The following CELSR1 variants were observed in gnomAD, a reference collection of about 807,000 sequenced individuals.
CELSR1 encodes adhesion G protein-coupled receptor C1.
In CELSR1, 110 loss-of-function variants were observed where a neutral mutation model predicts 249.1. The ratio of observed to expected loss-of-function variants is 0.44; its 90% CI spans 0.38 to 0.52. CELSR1 has a LOEUF of 0.52. Among genes scored for constraint, CELSR1 ranks in the 20% least tolerant of loss-of-function variants. The pLI, the probability that CELSR1 is intolerant of heterozygous loss-of-function variation, is 0.00. For missense variants in CELSR1, 4,109 were observed against 4,296.4 expected (o/e 0.96, Z 1.22); for synonymous variants, 2,113 against 1,900.0 (o/e 1.11, Z -2.92).
rs576778852 is a variant in CELSR1, at chr22:46,409,966, C to A, written c.4934-86G>T. 2.6e-6 allele frequency: 4 copies of A among 1,559,706 alleles called. 1 individual carries two copies. The highest frequency in any genetic ancestry group is 2.7e-5 in the African/African-American group (2 of 74,246). On this transcript the variant is annotated intron_variant, in intron 7 of 34. Coordinates refer to ENST00000674500, the MANE Select transcript of CELSR1 (RefSeq NM_001378328.1). The surrounding 1 kb of genome is among the most constrained non-coding windows in gnomAD (Gnocchi z 9.8). ...CCAGACGTGGCGTGGGAAACCAGGA[C>A]GGAATGGACCCGGGGCTGGACAGAA... is the stretch of plus-strand genomic sequence containing the variant.
In CELSR1 at chr22:46,395,673, G is replaced by C. The variant is rs116878091; in HGVS notation, c.5843+932C>G. 2.0e-5 allele frequency among the ~76,000 whole-genome samples: 3 copies of C among 152,264 alleles called. No homozygotes were observed. The South Asian group carries it at 6.2e-4, about 32-fold the overall frequency. On this transcript the variant is annotated intron_variant, in intron 13 of 34. Transcript: ENST00000674500. This position sits in a 1 kb window ranked among gnomAD's most constrained non-coding sequence, Gnocchi z 5.5. Reference sequence around the variant, plus strand: ...GGATCACAGCACCTGCTCTAGGCTCGGGAGGACAAAGAACGGAGCATAGCA... The same window carrying C: ...GGATCACAGCACCTGCTCTAGGCTCCGGAGGACAAAGAACGGAGCATAGCA...
intron 5 of CELSR1, among the ~76,000 whole-genome samples, chr22:46,421,861 A>C (rs2079476860): frequency 1.3e-5 from 2 of 152,246 alleles, no homozygotes; most frequent in South Asian, 4.1e-4. Context: ...GAAGCTCACG[A>C]AGGGCGTGAC....
chr22:46,423,600 C>A lies in CELSR1; in HGVS notation c.4611+9793G>T, dbSNP rs1156635141. On this transcript the variant is annotated intron_variant, in intron 5 of 34. Coordinates refer to ENST00000674500, the MANE Select transcript of CELSR1 (RefSeq NM_001378328.1). This position sits in a 1 kb window ranked among gnomAD's most constrained non-coding sequence, Gnocchi z 5.6. ...AGCCTGGGCAACAGGAGCGAAACTTCGTCTCAGAAAAAAAAAAAAAAAAAG... is the reference window on the plus strand; with the variant it reads ...AGCCTGGGCAACAGGAGCGAAACTTAGTCTCAGAAAAAAAAAAAAAAAAAG... Among the ~76,000 whole-genome samples, 6 of 127,622 alleles carry A rather than the reference C, an allele frequency of 4.7e-5. No individual in the cohort carries two copies. The highest frequency in any genetic ancestry group is 9.4e-5 in the Non-Finnish European group (6 of 63,546). 83.7% of individuals were successfully genotyped at this position (127,622 alleles called of 152,430 possible).
In CELSR1 at chr22:46,365,308, G is replaced by A; in HGVS notation, c.8477C>T (p.Ser2826Leu). 6.2e-7 allele frequency: 1 copy of A among 1,612,992 alleles called. No individual in the cohort carries two copies. Among genetic ancestry groups the A allele is most frequent in the Non-Finnish European group, 8.5e-7 (1 of 1,179,964 alleles). The change falls in exon 32 of 35, where the codon TCA becomes TTA. Residue 2826 changes from serine (S) to leucine (L), a missense_variant. Ser to Leu is a moderately radical substitution (Grantham distance 145). This residue lies in a region of CELSR1 where 1,805 missense variants were observed against 1,831.6 expected (regional missense o/e 0.99). Transcript: ENST00000674500. ...TCCCACCCCATCGTCCTCGCTGTCT[G>A]ACGAGTGTGAGGAGGCGTAAGAGCT... Reference protein sequence around the residue: ...QSSSYASSHSSDSEDDGVGAE... With the variant: ...QSSSYASSHSLDSEDDGVGAE...
At position 46,527,866 on chromosome 22, in the gene CELSR1, C is replaced by T. The variant is rs962442716; in HGVS notation, c.3544+5761G>A. Among the ~76,000 whole-genome samples, 7 of 152,106 alleles carry T rather than the reference C, an allele frequency of 4.6e-5. No homozygotes were observed. The highest frequency in any genetic ancestry group is 1.9e-4 in the East Asian group (1 of 5,198). ...ATCCCAGCATTTTGGGAGGCTGAGG[C>T]GGGCGGATAGCCTGAGGTCAGGAGT... On this transcript the variant is annotated intron_variant, in intron 1 of 34. Transcript: ENST00000674500. The surrounding 1 kb of genome is among the most constrained non-coding windows in gnomAD (Gnocchi z 5.5).
intron 1 of CELSR1, among the ~76,000 whole-genome samples, chr22:46,513,060 G>A (rs970596154): frequency 7.9e-5 from 12 of 152,216 alleles, no homozygotes; most frequent in Non-Finnish European, 1.6e-4. Context: ...GTGAATAGGA[G>A]GCCATTTAAC....
In CELSR1 at chr22:46,436,184, G is replaced by A. The variant is rs753389645; in HGVS notation, c.4512C>T (p.Thr1504=). Residue 1504 remains threonine (T), a synonymous_variant, in exon 4 of 35, where the codon ACC becomes ACT. Coordinates refer to ENST00000674500, the MANE Select transcript of CELSR1 (RefSeq NM_001378328.1). The surrounding 1 kb of genome is among the most constrained non-coding windows in gnomAD (Gnocchi z 5.9). ...LEIVDEQVQL[T]FSAGETTTTV... ...GGGAGAAGGCCCCACCTGCAGAGAA[G>A]GTGAGCTGCACCTGCTCGTCCACGA... 6.2e-7 allele frequency: 1 copy of A among 1,613,882 alleles called. No homozygotes were observed. The highest frequency in any genetic ancestry group is 8.5e-7 in the Non-Finnish European group (1 of 1,179,880).
rs2147608634 is a variant in CELSR1, at chr22:46,468,159, G to A, written c.3545-3814C>T. ...TCACAGCACTTTGGGAGGCCGAGGT[G>A]GGTGGATCACGACGTCAGGAGTTCA... On this transcript the variant is annotated intron_variant, in intron 1 of 34. Transcript: ENST00000674500. The surrounding 1 kb of genome is among the most constrained non-coding windows in gnomAD (Gnocchi z 4.5). Among the ~76,000 whole-genome samples, 1 of 152,084 alleles carries A rather than the reference G, an allele frequency of 6.6e-6. No homozygotes were observed. The highest frequency in any genetic ancestry group is 2.1e-4 in the South Asian group (1 of 4,818).
intron 1 of CELSR1, among the ~76,000 whole-genome samples, chr22:46,494,796 T>C (rs1439930933): frequency 1.3e-5 from 2 of 152,184 alleles, no homozygotes; most frequent in South Asian, 2.1e-4. Flanking sequence ...CATGAGCCAC[T>C]GCACCCAGCC....
rs781388188 is a variant in CELSR1, at chr22:46,473,198, T to C, written c.3545-8853A>G. On this transcript the variant is annotated intron_variant, in intron 1 of 34. Coordinates refer to ENST00000674500, the MANE Select transcript of CELSR1 (RefSeq NM_001378328.1). The surrounding 1 kb of genome is among the most constrained non-coding windows in gnomAD (Gnocchi z 6.6). Reference sequence around the variant, plus strand: ...CCCACGCACCACGAGGAACCATCGCTGGCCCTTGACAGGTGAGGACACCAA... The same window carrying C: ...CCCACGCACCACGAGGAACCATCGCCGGCCCTTGACAGGTGAGGACACCAA... Among the ~76,000 whole-genome samples, 2 of 152,066 alleles carry C rather than the reference T, an allele frequency of 1.3e-5. No individual in the cohort carries two copies. The highest frequency in any genetic ancestry group is 1.5e-5 in the Non-Finnish European group (1 of 68,012).
intron 2 of CELSR1, among the ~76,000 whole-genome samples, chr22:46,439,858 G>T (rs2079722304): frequency 6.6e-6 from 1 of 152,098 alleles, no homozygotes; most frequent in Non-Finnish European, 1.5e-5. Flanking sequence ...TCAGAGATTT[G>T]GAGCATGCTG....
chr22:46,485,624 G>C (rs2080305578), intron 1 of CELSR1, among the ~76,000 whole-genome samples: 1 of 152,204 alleles, frequency 6.6e-6, no homozygotes. Flanking sequence ...AGGAGCAAAA[G>C]CTCATCTCCA....
At position 46,390,378 on chromosome 22, in the gene CELSR1, C is replaced by T. The variant is rs191518068; in HGVS notation, c.6345+14G>A. ...CGTGCCCCTGCTGAACACACATCCC[C>T]GAGGCGCCCCTACCATGGCCCTGAG... On this transcript the variant is annotated intron_variant, in intron 17 of 34. Transcript: ENST00000674500. This position sits in a 1 kb window ranked among gnomAD's most constrained non-coding sequence, Gnocchi z 6.3. 84 of 1,604,594 alleles carry T rather than the reference C, an allele frequency of 5.2e-5. No individual in the cohort carries two copies. The African/African-American group carries it at 8.8e-4, about 17-fold the overall frequency.
chr22:46,479,584 G>A (rs1201295002), intron 1 of CELSR1, among the ~76,000 whole-genome samples: 1 of 133,730 alleles, frequency 7.5e-6, no homozygotes, highest in East Asian at 2.6e-4. Context: ...GGGATAGTGA[G>A]CTGAGACTTT....
rs2078747100 is a variant in CELSR1 at position 46,364,710 on chromosome 22, C to A, written c.8581G>T (p.Ala2861Ser). ...KGDAVANHVP[A>S]GWPDQSLAES... The stretch of plus-strand genomic sequence containing the variant: ...GCCAGGCTCTGGTCGGGCCAGCCGG[C>A]CGGAACGTGGTTGGCCACAGCGTCC... The change falls in exon 33 of 35, where the codon GCC (alanine) becomes TCC (serine). Residue 2861 changes from alanine to serine, a missense_variant. This residue lies in a region of CELSR1 where 1,805 missense variants were observed against 1,831.6 expected (regional missense o/e 0.99). Transcript: ENST00000674500. 6.2e-7 allele frequency: 1 copy of A among 1,612,402 alleles called. No individual in the cohort carries two copies. Among genetic ancestry groups the A allele is most frequent in the Non-Finnish European group, 8.5e-7 (1 of 1,179,830 alleles).
intron 27 of CELSR1, among the ~76,000 whole-genome samples, chr22:46,368,059 G>C (rs534865213): frequency 6.6e-6 from 1 of 152,182 alleles, no homozygotes. Context: ...GACAGAGCTC[G>C]TGTTAGTGGG....
At position 46,448,856 on chromosome 22, in the gene CELSR1, C is replaced by T. The variant is rs572273067; in HGVS notation, c.4184-9445G>A. ...AAAGCACAGTCTTGAAGACACAACC[C>T]AACAGCGTGGCTCATGTGTCAGAAA... On this transcript the variant is annotated intron_variant, in intron 2 of 34. Transcript: ENST00000674500. This position sits in a 1 kb window ranked among gnomAD's most constrained non-coding sequence, Gnocchi z 5.7. Among the ~76,000 whole-genome samples the T allele has an allele frequency of 6.6e-6, 1 of 152,114 alleles. No homozygotes were observed. Among genetic ancestry groups the T allele is most frequent in the African/African-American group, 2.4e-5 (1 of 41,410 alleles).
chr22:46,492,562 G>A (rs895792325), intron 1 of CELSR1, among the ~76,000 whole-genome samples: 6 of 152,004 alleles, frequency 3.9e-5, no homozygotes, highest in Admixed American at 3.3e-4. Context: ...AGTGGCTCAC[G>A]CCTGTAAACC....
rs1222128318 is a variant in CELSR1 at position 46,361,444 on chromosome 22, G to A, written c.*1779C>T. 2 of 146,476 alleles carry A rather than the reference G, an allele frequency of 1.4e-5. No homozygotes were observed. Among genetic ancestry groups the A allele is most frequent in the Non-Finnish European group, 2.9e-5 (2 of 67,932 alleles). The allele number at this position is 146,476 out of a possible 1,614,324, so 9.1% of individuals were successfully genotyped here. A position where few individuals can be genotyped will look rare whatever the true frequency, so the allele number is the denominator to read the frequency against. ...AATAGAACAAAAAAATTACACCTCAGGGGGCAGAATCCTGTTAAAGTCATG... is the reference window on the plus strand; with the variant it reads ...AATAGAACAAAAAAATTACACCTCAAGGGGCAGAATCCTGTTAAAGTCATG... On this transcript the variant is annotated 3_prime_UTR_variant, in exon 35 of 35. Transcript: ENST00000674500.
Sources: allele counts gnomAD v4.1 joint callset (sites outside exome capture counted in the v4.1 genomes callset), GRCh38; gene constraint gnomAD v4.1.1; regional missense constraint gnomAD v4.1.1; non-coding constraint Gnocchi (gnomAD v3.1); transcripts MANE v1.5; gene names NCBI Gene and HGNC (gene_info 2026-07-23, HGNC 2026-07-21).